The following FOXK2 variants were observed in gnomAD, a reference collection of about 807,000 sequenced individuals.
FOXK2 encodes forkhead box protein K2.
Under a neutral mutation model 53.3 loss-of-function variants are expected in FOXK2, and 24 were observed. That is an observed-to-expected ratio of 0.45 (90% CI 0.33 to 0.63). FOXK2 has a LOEUF of 0.63. FOXK2 is among the 30% of genes least tolerant of loss of function. The probability of loss-of-function intolerance (pLI) is 0.03; values close to 1 mark genes in which losing one functional copy is unlikely to be tolerated. For missense variants in FOXK2, 952 were observed against 910.5 expected (o/e 1.05, Z -0.59); for synonymous variants, 505 against 407.1 (o/e 1.24, Z -2.89).
intron 1 of FOXK2, among the ~76,000 whole-genome samples, chr17:82,528,585 A>G (rs1027036721): frequency 6.6e-6 from 1 of 152,180 alleles, no homozygotes; most frequent in Non-Finnish European, 1.5e-5. Flanking sequence ...ACACATTACC[A>G]TCTCTACAAT....
In FOXK2 at chr17:82,584,570, T is replaced by TC. The variant is rs1439439704; in HGVS notation, c.1279+382_1279+383insC. On this transcript the variant is annotated intron_variant, in intron 6 of 8. Transcript: ENST00000335255. ...TGTCCTTTTTTTTTTTTTTTTTTTTTTTTTGAGACAGAGTCTCACTTTGTC... is the reference window on the plus strand; with the variant it reads ...TGTCCTTTTTTTTTTTTTTTTTTTTTCTTTTGAGACAGAGTCTCACTTTGTC... 2.3e-4 allele frequency among the ~76,000 whole-genome samples: 23 copies of TC among 100,672 alleles called. No homozygotes were observed. The South Asian group carries it at 2.5e-3, about 11-fold the overall frequency. The allele number at this position is 100,672 out of a possible 152,430, so 66.0% of individuals were successfully genotyped here. A position where few individuals can be genotyped will look rare whatever the true frequency, so the allele number is the denominator to read the frequency against.
At chr17:82,540,472 G>A (rs2044564127) in intron 1 of FOXK2, among the ~76,000 whole-genome samples, 1 of 152,106 alleles carries the variant, frequency 6.6e-6, no homozygotes, top group South Asian at 2.1e-4. Context: ...GTGATCCCAT[G>A]TCTATACCCC....
At position 82,601,444 on chromosome 17, in the gene FOXK2, C is replaced by T; in HGVS notation, c.1928C>T (p.Ala643Val). Residue 643 changes from alanine to valine, a missense_variant, in exon 9 of 9, where the codon GCC becomes GTC. Coordinates refer to ENST00000335255, the MANE Select transcript of FOXK2 (RefSeq NM_004514.4). ...GAAGACGGCGAGGGCATCGTCATTGCCCTGAGCGTGGACACGCCACCGGCA... is the reference window on the plus strand; with the variant it reads ...GAAGACGGCGAGGGCATCGTCATTGTCCTGAGCGTGGACACGCCACCGGCA... ...KTEDGEGIVI[A>V]LSVDTPPAAV... 3 of 1,612,608 alleles carry T rather than the reference C, an allele frequency of 1.9e-6. No individual in the cohort carries two copies. The highest frequency in any genetic ancestry group is 2.2e-5 in the South Asian group (2 of 91,074).
chr17:82,532,882 G>A (rs978167388), intron 1 of FOXK2, among the ~76,000 whole-genome samples: 3 of 152,122 alleles, frequency 2.0e-5, no homozygotes, highest in Middle Eastern at 3.2e-3. Context: ...AAATATTTTT[G>A]TATTCTTATT....
chr17:82,592,918 A>C (rs1018773713), intron 8 of FOXK2, among the ~76,000 whole-genome samples: 1 of 148,056 alleles, frequency 6.8e-6, no homozygotes, highest in Non-Finnish European at 1.5e-5. Flanking sequence ...TCTTATTCTG[A>C]AAGTAGACCC....
chr17:82,530,465 AAG>A (rs36003705), intron 1 of FOXK2, among the ~76,000 whole-genome samples: 5,716 of 126,140 alleles, frequency 0.045, 307 homozygotes, highest in Non-Finnish European at 0.056. Context: ...AAAAAAAAAA[AAG>A]AGAGAGAAAA....
At chr17:82,579,045 G>A (rs1165296087) in intron 4 of FOXK2, among the ~76,000 whole-genome samples, 1 of 152,032 alleles carries the variant, frequency 6.6e-6, no homozygotes, top group Non-Finnish European at 1.5e-5. Flanking sequence ...CGGATGCTGC[G>A]TGGGGTAGCT....
Position 82,601,067 on chromosome 17 carries a change from T to A in FOXK2, c.1787-236T>A, listed in dbSNP as rs925601623. The A allele has an allele frequency of 3.4e-5, 16 of 476,248 alleles. No homozygotes were observed. The Admixed American group carries it at 5.5e-4, about 16-fold the overall frequency. 29.5% of individuals were successfully genotyped at this position (476,248 alleles called of 1,614,324 possible). A position where few individuals can be genotyped will look rare whatever the true frequency, so the allele number is the denominator to read the frequency against. On this transcript the variant is annotated intron_variant, in intron 8 of 8. Coordinates refer to ENST00000335255, the MANE Select transcript of FOXK2 (RefSeq NM_004514.4). ...TAATCAGGCAGTTCACTTGCTGCAGTTTTTTGGGGTCCCAAGGGCCCAGCC... is the reference window on the plus strand; with the variant it reads ...TAATCAGGCAGTTCACTTGCTGCAGATTTTTGGGGTCCCAAGGGCCCAGCC...
intron 6 of FOXK2, among the ~76,000 whole-genome samples, chr17:82,584,823 C>T (rs973590502): frequency 9.9e-5 from 15 of 152,026 alleles, no homozygotes; most frequent in Non-Finnish European, 1.9e-4. Flanking sequence ...AAGTGCTGGG[C>T]GTACAGGCGT....
chr17:82,560,107 G>A (rs1199319532), intron 1 of FOXK2, among the ~76,000 whole-genome samples: 1 of 150,256 alleles, frequency 6.7e-6, no homozygotes, highest in Non-Finnish European at 1.5e-5. Context: ...CCGGGTTCAA[G>A]AGATTCTCCT....
intron 1 of FOXK2, among the ~76,000 whole-genome samples, chr17:82,526,323 T>G (rs552423186): frequency 5.9e-5 from 9 of 152,058 alleles, no homozygotes; most frequent in Non-Finnish European, 1.2e-4. Flanking sequence ...GGGACATGGC[T>G]TGGCAATCAG....
intron 8 of FOXK2, among the ~76,000 whole-genome samples, chr17:82,589,041 G>A (rs556758781): frequency 2.0e-5 from 3 of 152,082 alleles, no homozygotes; most frequent in East Asian, 1.9e-4. Context: ...CCGGGCGACC[G>A]TGCGAGACTC....
chr17:82,595,466 TA>T (rs1439293693), intron 8 of FOXK2, among the ~76,000 whole-genome samples: 36 of 152,226 alleles, frequency 2.4e-4, no homozygotes, highest in Non-Finnish European at 5.0e-4. Context: ...CATGTCCAGC[TA>T]ATATTTTTTT....
intron 4 of FOXK2, among the ~76,000 whole-genome samples, chr17:82,581,392 C>T (rs571316160): frequency 2.6e-5 from 4 of 151,880 alleles, no homozygotes; most frequent in East Asian, 3.9e-4. Flanking sequence ...CTCCTCCTCT[C>T]GGCTTCAAGC....
intron 3 of FOXK2, among the ~76,000 whole-genome samples, chr17:82,570,652 C>T (rs1251475871): frequency 1.3e-5 from 2 of 152,240 alleles, no homozygotes; most frequent in East Asian, 1.9e-4. Flanking sequence ...TGAACAGTAT[C>T]TATAATTGTT....
chr17:82,582,746 A>T lies in FOXK2; in HGVS notation c.915A>T (p.Ser305=), dbSNP rs2045079072. 1 of 1,577,992 alleles carries T rather than the reference A, an allele frequency of 6.3e-7. No individual in the cohort carries two copies. Among genetic ancestry groups the T allele is most frequent in the Non-Finnish European group, 8.6e-7 (1 of 1,166,790 alleles). The change falls in exon 5 of 9, where the codon TCA becomes TCT. Residue 305 remains serine, a synonymous_variant. Transcript: ENST00000335255. ...YRTADKGWQN[S]IRHNLSLNRY... Reference sequence around the variant, plus strand: ...TATTTTTTTATGTTTCATAGAATTCAATTCGCCACAATCTCTCTCTGAATC... The same window carrying T: ...TATTTTTTTATGTTTCATAGAATTCTATTCGCCACAATCTCTCTCTGAATC...
chr17:82,568,397 A>G (rs796652867), intron 3 of FOXK2, among the ~76,000 whole-genome samples, 196 bp downstream of exon 3: 45 of 152,334 alleles, frequency 3.0e-4, no homozygotes, highest in African/African-American at 1.1e-3. Context: ...TCGTTTAGTC[A>G]TTCAACGCAC....
chr17:82,531,094 G>A (rs137886361), intron 1 of FOXK2, among the ~76,000 whole-genome samples: 2 of 152,284 alleles, frequency 1.3e-5, no homozygotes, highest in East Asian at 3.9e-4. Context: ...AAACACAGCT[G>A]AAATCCTGTA....
intron 8 of FOXK2, chr17:82,599,450 T>A (rs912495742): frequency 2.0e-5 from 3 of 152,310 alleles, no homozygotes; most frequent in Non-Finnish European, 4.4e-5. Flanking sequence ...GCTATTTCTG[T>A]TGCTCAGAGG....
Sources: gnomAD v4.1 joint callset for allele counts (sites outside exome capture counted in the v4.1 genomes callset) on GRCh38, gnomAD v4.1.1 for gene constraint, MANE v1.5 for transcripts, NCBI Gene and HGNC (gene_info 2026-07-23, HGNC 2026-07-21) for gene names.